TLE4: variants seen among roughly 807,000 people sequenced by gnomAD.
TLE4 encodes the protein transducin-like enhancer protein 4.
Under a neutral mutation model 92.8 loss-of-function variants are expected in TLE4, and 8 were observed. The observed-to-expected ratio is 0.09, with a 90% CI of 0.05 to 0.16. The LOEUF is 0.16. TLE4 is among the 10% of genes least tolerant of loss of function. The pLI, the probability that TLE4 is intolerant of heterozygous loss-of-function variation, is 1.00. For synonymous variants in TLE4, 371 were observed against 374.1 expected (o/e 0.99, Z 0.10); for missense variants, 675 against 997.6 (o/e 0.68, Z 4.36).
At chr9:79,678,825 T>C (rs1316598308) in intron 8 of TLE4, among the ~76,000 whole-genome samples, 2 of 142,536 alleles carry the variant, frequency 1.4e-5, no homozygotes, top group African/African-American at 5.0e-5. Context: ...CCTGTGTCCA[T>C]GTGTTCTCGT....
At chr9:79,597,239 G>C (rs1350802924) in intron 4 of TLE4, among the ~76,000 whole-genome samples, 1 of 152,124 alleles carries the variant, frequency 6.6e-6, no homozygotes, top group African/African-American at 2.4e-5. Context: ...GGCTATGGTG[G>C]TCTCCAGGCT....
chr9:79,670,698 A>G (rs1028853248), intron 8 of TLE4, among the ~76,000 whole-genome samples: 8 of 152,142 alleles, frequency 5.3e-5, no homozygotes, highest in African/African-American at 1.9e-4. Context: ...GACAGCCAGT[A>G]GGCAGGAAAC....
At chr9:79,588,730 T>A (rs1467399701) in intron 4 of TLE4, among the ~76,000 whole-genome samples, 1 of 152,208 alleles carries the variant, frequency 6.6e-6, no homozygotes, top group Non-Finnish European at 1.5e-5. Context: ...CACATGGGAA[T>A]GTTCAGGGAA....
At chr9:79,593,599 A>G (rs867908296) in intron 4 of TLE4, among the ~76,000 whole-genome samples, 27 of 152,336 alleles carry the variant, frequency 1.8e-4, no homozygotes, top group Middle Eastern at 3.4e-3. Context: ...CTAAAAACAT[A>G]ATATTAAAGA....
chr9:79,696,584 G>C (rs1359559265), intron 8 of TLE4, among the ~76,000 whole-genome samples: 1 of 151,762 alleles, frequency 6.6e-6, no homozygotes, highest in Non-Finnish European at 1.5e-5. Context: ...ATATATATGA[G>C]AATCTGTGGA....
At chr9:79,706,719 C>T in intron 10 of TLE4, 28 bp from the exon 11 acceptor site, 1 of 1,603,986 alleles carries the variant, frequency 6.2e-7, no homozygotes, top group Non-Finnish European at 8.5e-7. Context: ...GCTGTGCTTG[C>T]ATTACTGTCC....
chr9:79,708,810 A>G (rs2072424959), intron 13 of TLE4, 24 bp downstream of exon 13: 1 of 1,590,658 alleles, frequency 6.3e-7, no homozygotes, highest in Non-Finnish European at 8.5e-7. Flanking sequence ...CTTCACAAAT[A>G]ATATTTTAGC....
intron 4 of TLE4, among the ~76,000 whole-genome samples, chr9:79,603,932 G>T (rs906768260): frequency 1.3e-5 from 2 of 152,146 alleles, no homozygotes; most frequent in African/African-American, 4.8e-5. Flanking sequence ...CTTAAAATTT[G>T]TTGGAAGTAT....
intron 4 of TLE4, among the ~76,000 whole-genome samples, chr9:79,592,131 C>T: frequency 6.6e-6 from 1 of 150,874 alleles, no homozygotes; most frequent in East Asian, 2.0e-4. Flanking sequence ...CTTCTTTCTT[C>T]TTCTTTCTTC....
chr9:79,588,209 G>A (rs62566849), intron 4 of TLE4, among the ~76,000 whole-genome samples: 4,160 of 151,754 alleles, frequency 0.027, 93 homozygotes, highest in African/African-American at 0.057. Context: ...GTGCGGTGGC[G>A]TGATCTCGGC....
rs2076365601 is a variant in TLE4, at chr9:79,726,237, C to G, written c.*1093C>G. ...CTTTCCATGTCTTAGTTGGATGTCC[C>G]TGAAATGGACACAGGCTGTGCCATT... On this transcript the variant is annotated 3_prime_UTR_variant, in exon 20 of 20. Coordinates refer to ENST00000376552, the MANE Select transcript of TLE4 (RefSeq NM_007005.6). The G allele has an allele frequency of 6.6e-6, 1 of 152,646 alleles. No homozygotes were observed. Among genetic ancestry groups the G allele is most frequent in the Non-Finnish European group, 1.5e-5 (1 of 68,044 alleles). The allele number at this position is 152,646 out of a possible 1,614,324, so 9.5% of individuals were successfully genotyped here. A position where few individuals can be genotyped will look rare whatever the true frequency, so the allele number is the denominator to read the frequency against.
intron 6 of TLE4, among the ~76,000 whole-genome samples, chr9:79,647,248 T>G (rs2058240136): frequency 6.6e-6 from 1 of 152,170 alleles, no homozygotes; most frequent in Non-Finnish European, 1.5e-5. Context: ...AAAGAATATA[T>G]GGGAACTCTA....
At chr9:79,662,872 G>T (rs960554885) in intron 8 of TLE4, among the ~76,000 whole-genome samples, 8 of 152,152 alleles carry the variant, frequency 5.3e-5, no homozygotes, top group African/African-American at 1.9e-4. Context: ...AATGTAAGCT[G>T]TTGCTTCTAT....
chr9:79,720,378 GTGTGTGT>G lies in TLE4; in HGVS notation c.1838+86_1838+92del, dbSNP rs1565204917. On this transcript the variant is annotated intron_variant, in intron 16 of 19. Transcript: ENST00000376552. ...CAAAGTGCTGTGTATATAGGTATGG[GTGTGTGT>G]GTGTGTGTGTGTGTGTGTGTGTGTG... The G allele has an allele frequency of 7.0e-6, 6 of 856,920 alleles. No individual in the cohort carries two copies. In the Admixed American group the frequency reaches 9.0e-5, roughly 13 times the overall value. 53.1% of individuals were successfully genotyped at this position (856,920 alleles called of 1,614,324 possible). A position where few individuals can be genotyped will look rare whatever the true frequency, so the allele number is the denominator to read the frequency against.
At chr9:79,577,295 T>C (rs528805689) in intron 4 of TLE4, among the ~76,000 whole-genome samples, 5 of 152,322 alleles carry the variant, frequency 3.3e-5, no homozygotes, top group African/African-American at 1.2e-4. Context: ...AGTAGATCTT[T>C]AAGAGATGGC....
At chr9:79,671,384 G>C (rs757740733) in intron 8 of TLE4, 1 of 394,308 alleles carries the variant, frequency 2.5e-6, no homozygotes, top group Admixed American at 2.7e-5. Context: ...CGAGTGGCCC[G>C]AGGACTGTGA....
chr9:79,647,730 G>C (rs1437702194), intron 6 of TLE4, among the ~76,000 whole-genome samples: 6 of 151,984 alleles, frequency 3.9e-5, no homozygotes, highest in Non-Finnish European at 8.8e-5. Flanking sequence ...TAATTAAGAG[G>C]TATGGCATAC....
chr9:79,641,626 G>C (rs1564583352), intron 6 of TLE4, among the ~76,000 whole-genome samples: 1 of 152,292 alleles, frequency 6.6e-6, no homozygotes, highest in East Asian at 1.9e-4. Context: ...CCAGCTGTCT[G>C]CAGTGTGCTG....
intron 5 of TLE4, among the ~76,000 whole-genome samples, chr9:79,620,011 T>G (rs1564428343): frequency 6.6e-6 from 1 of 152,230 alleles, no homozygotes; most frequent in Non-Finnish European, 1.5e-5. Flanking sequence ...ATGGCCTGTT[T>G]GACCTCAAGA....
Sources: allele counts gnomAD v4.1 joint callset (sites outside exome capture counted in the v4.1 genomes callset), GRCh38; gene constraint gnomAD v4.1.1; transcripts MANE v1.5; gene names NCBI Gene and HGNC (gene_info 2026-07-23, HGNC 2026-07-21).